NTNG2: variants seen among roughly 807,000 people sequenced by gnomAD.
NTNG2 encodes the protein netrin-G2.
A neutral mutation model predicts 47.6 loss-of-function variants in NTNG2; 15 were observed. That is an observed-to-expected ratio of 0.32 (90% CI 0.21 to 0.49). NTNG2 has a LOEUF of 0.49. NTNG2 is among the 20% of genes least tolerant of loss of function. The pLI is 0.99. For missense variants in NTNG2, 578 were observed against 764.6 expected, an observed-to-expected ratio of 0.76 and a Z score of 2.88; for synonymous variants, 307 against 324.6, an observed-to-expected ratio of 0.95 and a Z score of 0.58.
chr9:132,212,572 C>A (rs1839664476), intron 3 of NTNG2, among the ~76,000 whole-genome samples: 2 of 152,150 alleles, frequency 1.3e-5, no homozygotes, highest in South Asian at 4.1e-4. Flanking sequence ...CGCCAGGCGA[C>A]CAACCCAGAC....
chr9:132,199,034 A>G (rs999940087), intron 3 of NTNG2, among the ~76,000 whole-genome samples: 5 of 152,142 alleles, frequency 3.3e-5, no homozygotes, highest in Non-Finnish European at 7.4e-5. Flanking sequence ...CCTGGTTCTC[A>G]GGACATTACC....
chr9:132,241,805 C>A, intron 7 of NTNG2, 71 bp from the exon 8 acceptor site: 1 of 1,220,312 alleles, frequency 8.2e-7, no homozygotes, highest in Non-Finnish European at 1.1e-6. Flanking sequence ...GCACACCCTG[C>A]TTCGCAGGAG....
At chr9:132,241,828 C>A in intron 7 of NTNG2, 48 bp from the exon 8 acceptor site, 1 of 1,380,364 alleles carries the variant, frequency 7.2e-7, no homozygotes, top group Non-Finnish European at 9.7e-7. Flanking sequence ...CGGAGGTTGG[C>A]GGGGGGACCG....
intron 5 of NTNG2, among the ~76,000 whole-genome samples, chr9:132,235,570 C>T (rs1265359368): frequency 2.6e-5 from 4 of 152,208 alleles, no homozygotes; most frequent in Admixed American, 6.5e-5. Flanking sequence ...GGGTGCGGGG[C>T]TGTGATGCCT....
In NTNG2 at chr9:132,212,192, G is replaced by A. The variant is rs535982466; in HGVS notation, c.857+13583G>A. ...ACCACCTGGGCCTGGTCCTTCCCTC[G>A]GGGGTGTTGGGCCTTCCTGCAGGGG... is the stretch of plus-strand genomic sequence containing the variant. On this transcript the variant is annotated intron_variant, in intron 3 of 7. Coordinates refer to ENST00000393229, the MANE Select transcript of NTNG2 (RefSeq NM_032536.4). Among the ~76,000 whole-genome samples the A allele has an allele frequency of 1.8e-3, 279 of 152,146 alleles. 6 individuals carry two copies. Among genetic ancestry groups the A allele is most frequent in the Non-Finnish European group, 2.9e-3 (197 of 68,010 alleles).
intron 2 of NTNG2, among the ~76,000 whole-genome samples, chr9:132,195,734 A>G (rs951021182): frequency 3.3e-5 from 5 of 150,802 alleles, no homozygotes; most frequent in African/African-American, 1.2e-4. Flanking sequence ...GGCTCAAGCA[A>G]TCTCCAGCCC....
intron 2 of NTNG2, among the ~76,000 whole-genome samples, chr9:132,168,324 G>C (rs1835646739): frequency 6.6e-6 from 1 of 152,238 alleles, no homozygotes; most frequent in African/African-American, 2.4e-5. Flanking sequence ...CCATCCCCCA[G>C]GCAGCTGGTA....
chr9:132,238,017 G>A (rs926579916), intron 5 of NTNG2, among the ~76,000 whole-genome samples: 4 of 152,156 alleles, frequency 2.6e-5, no homozygotes, highest in Non-Finnish European at 5.9e-5. Flanking sequence ...TGACCACTGG[G>A]TCAGTCCCTC....
chr9:132,209,779 G>A (rs942548297), intron 3 of NTNG2, among the ~76,000 whole-genome samples: 7 of 152,070 alleles, frequency 4.6e-5, no homozygotes, highest in African/African-American at 9.7e-5. Context: ...CGTTTTGCTC[G>A]GAAGGGGAGC....
intron 6 of NTNG2, 152 bp downstream of exon 6, chr9:132,239,423 T>G: frequency 1.2e-5 from 9 of 732,732 alleles, no homozygotes; most frequent in Non-Finnish European, 2.0e-5. Context: ...TGAGCATCTC[T>G]AAGGACAGAA....
intron 2 of NTNG2, among the ~76,000 whole-genome samples, chr9:132,186,708 A>G (rs1837412297): frequency 6.6e-6 from 1 of 152,260 alleles, no homozygotes; most frequent in South Asian, 2.1e-4. Context: ...AAGACTAAGC[A>G]GTCGATCTGC....
Position 132,242,121 on chromosome 9 carries a change from G to T in NTNG2, c.*10G>T. 9.0e-7 allele frequency: 1 copy of T among 1,115,450 alleles called. No individual in the cohort carries two copies. Among genetic ancestry groups the T allele is most frequent in the South Asian group, 4.3e-5 (1 of 23,232 alleles). The allele number at this position is 1,115,450 out of a possible 1,614,324, so 69.1% of individuals were successfully genotyped here. A position where few individuals can be genotyped will look rare whatever the true frequency, so the allele number is the denominator to read the frequency against. ...CCGCCTGGGCCGCTGAGCCCCGCCC[G>T]GAGGACGCTCCCCGCACCCGGAGGC... On this transcript the variant is annotated 3_prime_UTR_variant, in exon 8 of 8. Transcript: ENST00000393229. This position sits in a 1 kb window ranked among gnomAD's most constrained non-coding sequence, Gnocchi z 5.9.
At chr9:132,233,131 T>C (rs965094458) in intron 5 of NTNG2, 38 of 152,230 alleles carry the variant, frequency 2.5e-4, no homozygotes, top group African/African-American at 9.2e-4. Context: ...CAGACATAGG[T>C]TGGCCCAGCC....
chr9:132,228,558 CT>C (rs56250915), intron 4 of NTNG2, among the ~76,000 whole-genome samples: 2,615 of 145,222 alleles, frequency 0.018, 84 homozygotes, highest in African/African-American at 0.062. Context: ...TCACACCCTC[CT>C]TTTTTTTTTT....
At chr9:132,209,578 G>A (rs1010326325) in intron 3 of NTNG2, among the ~76,000 whole-genome samples, 3 of 152,188 alleles carry the variant, frequency 2.0e-5, no homozygotes, top group Admixed American at 6.5e-5. Flanking sequence ...ATGCTGCGGC[G>A]GGTCCAAGTG....
At chr9:132,241,301 C>T (rs899528186) in intron 7 of NTNG2, 2 of 530,190 alleles carry the variant, frequency 3.8e-6, no homozygotes, top group Middle Eastern at 5.0e-4. Context: ...TGGCAGGGGC[C>T]TGGTGAGATG....
chr9:132,189,064 C>CTTT (rs1179386814), intron 2 of NTNG2, among the ~76,000 whole-genome samples: 15 of 61,762 alleles, frequency 2.4e-4, no homozygotes, highest in African/African-American at 1.0e-3. Flanking sequence ...GGCTTTAAGC[C>CTTT]TTTCTTTTTT....
intron 3 of NTNG2, among the ~76,000 whole-genome samples, chr9:132,222,977 G>T (rs1840451485): frequency 6.6e-6 from 1 of 152,148 alleles, no homozygotes; most frequent in African/African-American, 2.4e-5. Flanking sequence ...AGCCAGGCAT[G>T]GTGGCACGCG....
rs59309373 is a variant in NTNG2 at position 132,182,796 on chromosome 9, CG to C, written c.214-15167del. On this transcript the variant is annotated intron_variant, in intron 2 of 7. Coordinates refer to ENST00000393229, the MANE Select transcript of NTNG2 (RefSeq NM_032536.4). This position sits in a 1 kb window ranked among gnomAD's most constrained non-coding sequence, Gnocchi z 4.2. ...AGCTATGACCCCACCAGGAGCGGAGCGGGCAGGGACCAGGCTGCCCTCTAAG... is the reference window on the plus strand; with the variant it reads ...AGCTATGACCCCACCAGGAGCGGAGCGGCAGGGACCAGGCTGCCCTCTAAG... Among the ~76,000 whole-genome samples, 408 of 152,322 alleles carry C rather than the reference CG, an allele frequency of 2.7e-3. 1 individual carries two copies. The highest frequency in any genetic ancestry group is 9.2e-3 in the African/African-American group (383 of 41,574).
Sources: allele counts gnomAD v4.1 joint callset (sites outside exome capture counted in the v4.1 genomes callset), GRCh38; gene constraint gnomAD v4.1.1; non-coding constraint Gnocchi (gnomAD v3.1); transcripts MANE v1.5; gene names NCBI Gene and HGNC (gene_info 2026-07-23, HGNC 2026-07-21).